Variants in TRAPPC9 observed in about 807,000 individuals in gnomAD.
The protein encoded by TRAPPC9 is IKK2 binding protein.
Under a neutral mutation model 124.0 loss-of-function variants are expected in TRAPPC9, and 83 were observed. The observed-to-expected ratio is 0.67, with a 90% CI of 0.56 to 0.80. TRAPPC9 has a LOEUF of 0.80. Among genes scored for constraint, TRAPPC9 ranks in the 30% least tolerant of loss-of-function variants. The pLI is 0.00. For synonymous variants in TRAPPC9, 638 were observed against 617.5 expected (o/e 1.03, Z -0.49); for missense variants, 1,302 against 1,508.3 (o/e 0.86, Z 2.27).
At chr8:140,033,703 A>ACAGAGTCTCGCTCTGTCGCCCAGG (rs1840698229) in intron 17 of TRAPPC9, among the ~76,000 whole-genome samples, 1 of 28,804 alleles carries the variant, frequency 3.5e-5, no homozygotes, top group African/African-American at 5.7e-5. Context: ...TTTTTTTGAG[A>ACAGAGTCTCGCTCTGTCGCCCAGG]CAGAGTCTCG....
intron 19 of TRAPPC9, among the ~76,000 whole-genome samples, chr8:139,969,811 T>C (rs896855210): frequency 2.6e-5 from 4 of 152,190 alleles, no homozygotes; most frequent in African/African-American, 4.8e-5. Flanking sequence ...CAGTGGCTAA[T>C]AGATCTGGAG....
chr8:139,979,900 G>T (rs1395241979), intron 19 of TRAPPC9, among the ~76,000 whole-genome samples: 1 of 152,144 alleles, frequency 6.6e-6, no homozygotes, highest in African/African-American at 2.4e-5. Flanking sequence ...TGCCAGCTGG[G>T]GTGTGGGGCT....
intron 11 of TRAPPC9, among the ~76,000 whole-genome samples, chr8:140,299,148 C>T (rs965931111): frequency 2.0e-5 from 3 of 152,180 alleles, no homozygotes; most frequent in Admixed American, 6.5e-5. Flanking sequence ...GGGCAGGGGA[C>T]GAGTTCCTGG....
chr8:139,836,452 G>C (rs1563851598), intron 21 of TRAPPC9, among the ~76,000 whole-genome samples: 1 of 152,174 alleles, frequency 6.6e-6, no homozygotes, highest in East Asian at 1.9e-4. Flanking sequence ...GAAGCCGCTG[G>C]GGGGACCTGG....
At chr8:139,866,275 T>C (rs529019609) in intron 21 of TRAPPC9, among the ~76,000 whole-genome samples, 2 of 152,176 alleles carry the variant, frequency 1.3e-5, no homozygotes, top group Non-Finnish European at 2.9e-5. Context: ...CCACGTCCCA[T>C]GATGGCCTGA....
intron 15 of TRAPPC9, among the ~76,000 whole-genome samples, chr8:140,253,570 C>T (rs182166420): frequency 1.7e-3 from 262 of 151,866 alleles, no homozygotes; most frequent in Middle Eastern, 3.4e-3. Context: ...CCCAGCTACT[C>T]GGGAGGCTGA....
chr8:139,988,681 G>T, intron 19 of TRAPPC9, 45 bp downstream of exon 19: 1 of 1,314,480 alleles, frequency 7.6e-7, no homozygotes. Flanking sequence ...CGTGGTGAAG[G>T]CAGAGGGTGG....
chr8:140,300,762 G>C, intron 10 of TRAPPC9, 148 bp from the exon 11 acceptor site: 1 of 940,296 alleles, frequency 1.1e-6, no homozygotes, highest in South Asian at 1.3e-5. Flanking sequence ...GAGGCATCAG[G>C]ACACAGCAAG....
At chr8:139,983,312 T>G (rs1055064379) in intron 19 of TRAPPC9, among the ~76,000 whole-genome samples, 1 of 152,128 alleles carries the variant, frequency 6.6e-6, no homozygotes, top group African/African-American at 2.4e-5. Context: ...GAGAAATAAT[T>G]TTCGGTTGTT....
intron 17 of TRAPPC9, among the ~76,000 whole-genome samples, chr8:140,060,857 C>G (rs758613283): frequency 1.3e-4 from 20 of 152,334 alleles, no homozygotes; most frequent in Non-Finnish European, 2.4e-4. Context: ...CCAGTGTGCT[C>G]TTAGAGATCT....
rs184883275 is a variant in TRAPPC9, at chr8:140,139,277, G to A, written c.2556+82182C>T. On this transcript the variant is annotated intron_variant, in intron 17 of 22. Transcript: ENST00000438773. ...CATTCCTATCCCTACTTTACGGCCT[G>A]CTCAGATTTTGTGAAACCCTCCTCA... 4.6e-5 allele frequency among the ~76,000 whole-genome samples: 7 copies of A among 152,210 alleles called. No individual in the cohort carries two copies. The East Asian group carries it at 1.4e-3, about 29-fold the overall frequency.
chr8:139,869,917 C>T (rs1424883769), intron 21 of TRAPPC9, among the ~76,000 whole-genome samples: 1 of 151,222 alleles, frequency 6.6e-6, no homozygotes, highest in Non-Finnish European at 1.5e-5. Flanking sequence ...GAAACAGGGA[C>T]CACCGGAAAA....
chr8:139,817,423 C>T lies in TRAPPC9; in HGVS notation c.3055+68456G>A, dbSNP rs144794128. Among the ~76,000 whole-genome samples, 521 of 152,268 alleles carry T rather than the reference C, an allele frequency of 3.4e-3. 3 individuals carry two copies. Among genetic ancestry groups the T allele is most frequent in the African/African-American group, 0.011 (473 of 41,548 alleles). ...GAAAACTGAGAAGTTGATAGACTACCGAGAGGATGAACTAGTGGCAAAGGA... is the reference window on the plus strand; with the variant it reads ...GAAAACTGAGAAGTTGATAGACTACTGAGAGGATGAACTAGTGGCAAAGGA... On this transcript the variant is annotated intron_variant, in intron 21 of 22. Transcript: ENST00000438773.
At chr8:139,922,275 G>A (rs1250784675) in intron 19 of TRAPPC9, among the ~76,000 whole-genome samples, 2 of 151,556 alleles carry the variant, frequency 1.3e-5, no homozygotes, top group Admixed American at 6.6e-5. Context: ...CCCCTGCCTC[G>A]CAGGTTCAAG....
intron 17 of TRAPPC9, among the ~76,000 whole-genome samples, chr8:140,144,017 G>A (rs1174062200): frequency 6.6e-6 from 1 of 152,120 alleles, no homozygotes; most frequent in Non-Finnish European, 1.5e-5. Flanking sequence ...AATCTGATTT[G>A]GGGCTTTCTA....
intron 17 of TRAPPC9, among the ~76,000 whole-genome samples, chr8:140,128,123 G>GT (rs2061131863): frequency 6.6e-6 from 1 of 152,228 alleles, no homozygotes; most frequent in Non-Finnish European, 1.5e-5. Flanking sequence ...GTGTTAATTT[G>GT]TTTTTATCAA....
chr8:140,033,658 G>GTTTT lies in TRAPPC9; in HGVS notation c.2557-9583_2557-9580dup, dbSNP rs776155126. On this transcript the variant is annotated intron_variant, in intron 17 of 22. Transcript: ENST00000438773. ...TTGAAATGCAACTCTTCATAATGTG[G>GTTTT]TTTTTTTTTTTTTTTTTTTTTTTTT... is the stretch of plus-strand genomic sequence containing the variant. Among the ~76,000 whole-genome samples the GTTTT allele has an allele frequency of 4.0e-3, 169 of 42,334 alleles. 24 individuals carry two copies. The highest frequency in any genetic ancestry group is 0.059 in the Middle Eastern group (2 of 34). 27.8% of individuals were successfully genotyped at this position (42,334 alleles called of 152,430 possible).
chr8:140,454,505 T>G (rs939310902), intron 1 of TRAPPC9, among the ~76,000 whole-genome samples: 29 of 150,716 alleles, frequency 1.9e-4, no homozygotes, highest in African/African-American at 7.1e-4. Context: ...CCAGGCGTGG[T>G]GGCGCATGCC....
In TRAPPC9 at chr8:140,438,820, TA is replaced by T. The variant is rs1322836968; in HGVS notation, c.730+231del. Among the ~76,000 whole-genome samples, 13 of 152,290 alleles carry T rather than the reference TA, an allele frequency of 8.5e-5. No homozygotes were observed. The East Asian group carries it at 1.9e-3, about 23-fold the overall frequency. On this transcript the variant is annotated intron_variant, in intron 3 of 22. Transcript: ENST00000438773. ...AATTCTGCTGCCTCCGCCTCCCGAG[TA>T]GCTGGGACTATAGGCGCGTGCCACC...
Sources: allele counts gnomAD v4.1 joint callset (sites outside exome capture counted in the v4.1 genomes callset), GRCh38; gene constraint gnomAD v4.1.1; transcripts MANE v1.5; gene names NCBI Gene and HGNC (gene_info 2026-07-23, HGNC 2026-07-21).